PGS1: variants seen among roughly 807,000 people sequenced by gnomAD.
PGS1 encodes phosphatidylglycerophosphate synthase 1, also known as CDP-diacylglycerol--glycerol-3-phosphate 3-phosphatidyltransferase, mitochondrial.
A neutral mutation model predicts 58.3 loss-of-function variants in PGS1; 44 were observed. The ratio of observed to expected loss-of-function variants is 0.75; its 90% confidence interval spans 0.59 to 0.97. PGS1 has a LOEUF of 0.97. Among genes scored for constraint, PGS1 ranks in the 50% least tolerant of loss-of-function variants. The pLI, the probability that PGS1 is intolerant of heterozygous loss-of-function variation, is 0.00. For synonymous variants in PGS1, 330 were observed against 311.0 expected (o/e 1.06, Z -0.64); for missense variants, 684 against 731.1 (o/e 0.94, Z 0.74).
intron 1 of PGS1, among the ~76,000 whole-genome samples, chr17:78,385,701 C>T (rs1262784129): frequency 2.0e-5 from 3 of 152,218 alleles, no homozygotes; most frequent in African/African-American, 4.8e-5. Context: ...GGATTACAGC[C>T]GTGAGCCACT....
intron 2 of PGS1, among the ~76,000 whole-genome samples, chr17:78,395,497 C>CA (rs1457276096): frequency 2.0e-5 from 3 of 152,158 alleles, no homozygotes; most frequent in African/African-American, 2.4e-5. Context: ...GCCTCCCTCT[C>CA]ACCTGGGTCT....
At chr17:78,408,638 T>C (rs2084362974) in intron 7 of PGS1, among the ~76,000 whole-genome samples, 1 of 152,190 alleles carries the variant, frequency 6.6e-6, no homozygotes, top group Non-Finnish European at 1.5e-5. Context: ...GTCTCTGGCC[T>C]TGCTCCCTGT....
chr17:78,423,179 C>T (rs1474165855), intron 9 of PGS1, among the ~76,000 whole-genome samples: 3 of 151,966 alleles, frequency 2.0e-5, no homozygotes, highest in South Asian at 2.1e-4. Context: ...CGCTGTCTCC[C>T]CTCATCCCCC....
chr17:78,378,951 C>T (rs1364574792), intron 1 of PGS1, 143 bp downstream of exon 1: 4 of 911,740 alleles, frequency 4.4e-6, no homozygotes, highest in Non-Finnish European at 6.1e-6. Context: ...TCCCGGGGCT[C>T]GGCGCCTGAC....
intron 9 of PGS1, chr17:78,420,578 C>CCATGTGGCCGGCACATG: frequency 6.6e-6 from 1 of 152,304 alleles, no homozygotes. Context: ...GAGCCAGGAC[C>CCATGTGGCCGGCACATG]CATGTGGCCG....
chr17:78,411,769 G>A (rs750363009), intron 7 of PGS1, among the ~76,000 whole-genome samples: 5 of 152,152 alleles, frequency 3.3e-5, no homozygotes, highest in Non-Finnish European at 5.9e-5. Flanking sequence ...TCCCGACAGC[G>A]AGTCCCAGGC....
chr17:78,416,718 T>G (rs983852505), intron 8 of PGS1, among the ~76,000 whole-genome samples: 7 of 152,216 alleles, frequency 4.6e-5, no homozygotes, highest in Admixed American at 6.5e-5. Flanking sequence ...CTACTGTAGC[T>G]CTTCCATTCT....
intron 8 of PGS1, among the ~76,000 whole-genome samples, chr17:78,415,702 G>A (rs2085123693): frequency 6.6e-6 from 1 of 152,208 alleles, no homozygotes; most frequent in Non-Finnish European, 1.5e-5. Context: ...CTCTTTGAGG[G>A]AGATAAAAGA....
At chr17:78,384,903 G>T (rs1025696772) in intron 1 of PGS1, among the ~76,000 whole-genome samples, 4 of 152,074 alleles carry the variant, frequency 2.6e-5, no homozygotes, top group African/African-American at 9.7e-5. Flanking sequence ...GTAGACCGCG[G>T]TGTAATTCCC....
Position 78,381,978 on chromosome 17 carries a change from C to T in PGS1, c.143+3170C>T, listed in dbSNP as rs138727238. On this transcript the variant is annotated intron_variant, in intron 1 of 9. Transcript: ENST00000262764. ...TAAAGACACAGCCCCACCTCCAAGA[C>T]GCTCAGACCCATAAACAATTACAAG... Among the ~76,000 whole-genome samples the T allele has an allele frequency of 1.4e-3, 218 of 152,228 alleles. 2 individuals are homozygous for T. The highest frequency in any genetic ancestry group is 4.8e-3 in the African/African-American group (200 of 41,516).
intron 2 of PGS1, among the ~76,000 whole-genome samples, chr17:78,394,146 T>G (rs2083036800): frequency 8.7e-6 from 1 of 114,748 alleles, no homozygotes; most frequent in Non-Finnish European, 1.6e-5. Context: ...CACTCCAGCC[T>G]GGGCAACAGA....
intron 1 of PGS1, among the ~76,000 whole-genome samples, chr17:78,388,411 T>G (rs2082562306): frequency 1.3e-5 from 2 of 152,174 alleles, no homozygotes; most frequent in Non-Finnish European, 2.9e-5. Context: ...GTTTCTTTCT[T>G]TCTGCACTTG....
chr17:78,420,951 T>A (rs1174978718), intron 9 of PGS1: 1 of 152,240 alleles, frequency 6.6e-6, no homozygotes, highest in Admixed American at 6.5e-5. Flanking sequence ...AAGAATGTCT[T>A]AGTATCATCA....
chr17:78,385,897 C>T (rs895720412), intron 1 of PGS1, among the ~76,000 whole-genome samples: 4 of 152,204 alleles, frequency 2.6e-5, no homozygotes, highest in Non-Finnish European at 4.4e-5. Flanking sequence ...AAGCAGGCTT[C>T]CCTCTCCTTG....
intron 3 of PGS1, 52 bp from the exon 4 acceptor site, chr17:78,398,199 AT>A: frequency 7.6e-7 from 1 of 1,314,400 alleles, no homozygotes; most frequent in Admixed American, 1.7e-5. Flanking sequence ...TTTTCTTTAA[AT>A]ACACACACCT....
chr17:78,386,403 C>T (rs1056103312), intron 1 of PGS1, among the ~76,000 whole-genome samples: 6 of 152,130 alleles, frequency 3.9e-5, no homozygotes, highest in African/African-American at 1.4e-4. Context: ...AAGGAGTGGC[C>T]TTCAGAGAGG....
chr17:78,416,481 G>A (rs976942876), intron 8 of PGS1, among the ~76,000 whole-genome samples: 1 of 152,226 alleles, frequency 6.6e-6, no homozygotes, highest in African/African-American at 2.4e-5. Context: ...TGAGTTGCTT[G>A]GGGGAGCAAG....
intron 7 of PGS1, among the ~76,000 whole-genome samples, chr17:78,408,831 G>A (rs537529530): frequency 6.6e-6 from 1 of 152,336 alleles, no homozygotes; most frequent in Admixed American, 6.5e-5. Context: ...CCCAGTAGGT[G>A]TGGTGGGACA....
intron 7 of PGS1, among the ~76,000 whole-genome samples, chr17:78,412,921 C>T (rs1454867912): frequency 6.6e-6 from 1 of 150,444 alleles, no homozygotes; most frequent in East Asian, 2.0e-4. Context: ...TGCACCTTGT[C>T]TTGCCAGCTC....
Sources: gnomAD v4.1 joint callset for allele counts (sites outside exome capture counted in the v4.1 genomes callset) on GRCh38, gnomAD v4.1.1 for gene constraint, MANE v1.5 for transcripts, NCBI Gene and HGNC (gene_info 2026-07-23, HGNC 2026-07-21) for gene names.